The following VPS9D1 variants were observed in gnomAD, a reference collection of about 807,000 sequenced individuals.
VPS9D1 encodes the protein VPS9 domain-containing protein 1.
In VPS9D1, 78 loss-of-function variants were observed where a neutral mutation model predicts 75.8. That is an observed-to-expected ratio of 1.03 (90% CI 0.86 to 1.24). VPS9D1 has a LOEUF of 1.24. VPS9D1 is among the 50% of genes most tolerant of loss of function. The pLI is 0.00. For synonymous variants in VPS9D1, 481 were observed against 385.6 expected (o/e 1.25, Z -2.90); for missense variants, 1,057 against 847.7 (o/e 1.25, Z -3.07).
chr16:89,719,903 G>A (rs1170751008), intron 1 of VPS9D1, among the ~76,000 whole-genome samples: 1 of 152,196 alleles, frequency 6.6e-6, no homozygotes, highest in East Asian at 1.9e-4. Flanking sequence ...ATTTTTAGTA[G>A]AGACGGGGTT....
chr16:89,718,534 G>A (rs12928364), intron 2 of VPS9D1, among the ~76,000 whole-genome samples: 126 of 152,090 alleles, frequency 8.3e-4, no homozygotes, highest in South Asian at 6.2e-4. Context: ...TATCCACAAC[G>A]CTGGTCCCTT....
At chr16:89,720,617 C>G (rs1291765987) in intron 1 of VPS9D1, 146 bp downstream of exon 1, 10 of 1,225,044 alleles carry the variant, frequency 8.2e-6, no homozygotes, top group African/African-American at 1.6e-5. Flanking sequence ...CGCCCCCGTC[C>G]TCGCCCGGGA....
At position 89,709,821 on chromosome 16, in the gene VPS9D1, T is replaced by A. The variant is rs754254812; in HGVS notation, c.1344A>T (p.Glu448Asp). Residue 448 changes from glutamate to aspartate, a missense_variant, in exon 11 of 15, where the codon GAA becomes GAT. Coordinates refer to ENST00000389386, the MANE Select transcript of VPS9D1 (RefSeq NM_004913.3). ...GAGGCCACAGCGGGGAGAAAAAGGG[T>A]TCCTCAATGCAGGCCAGGCAGCGGT... is the stretch of plus-strand genomic sequence containing the variant. ...SKDRCLACIE[E>D]PFFSPLWPLL... is the part of the protein sequence containing the mutation. 6.2e-7 allele frequency: 1 copy of A among 1,612,790 alleles called. No homozygotes were observed. The highest frequency in any genetic ancestry group is 1.1e-5 in the South Asian group (1 of 91,016).
intron 9 of VPS9D1, 33 bp downstream of exon 9, chr16:89,711,294 C>T (rs751818090): frequency 7.6e-6 from 12 of 1,581,200 alleles, no homozygotes; most frequent in Non-Finnish European, 1.0e-5. Flanking sequence ...GGCCGGTGCG[C>T]AGGGGCTCTG....
rs1181335454 is a variant in VPS9D1, at chr16:89,712,084, C to T, written c.622G>A (p.Glu208Lys). Reference protein sequence around the residue: ...AREETLQRKMEERRLRLQEAA... With the variant: ...AREETLQRKMKERRLRLQEAA... ...TCCTGGAGCCGCAGCCGGCGCTCCT[C>T]CATCTTTCTCTGGAGCTGGGTGCAG... The change falls in exon 7 of 15, where the codon GAG becomes AAG. Residue 208 changes from glutamate to lysine, a missense_variant. Glu to Lys is a moderately conservative substitution (Grantham distance 56, BLOSUM62 1). Transcript: ENST00000389386. 1 of 1,548,434 alleles carries T rather than the reference C, an allele frequency of 6.5e-7. No homozygotes were observed. Among genetic ancestry groups the T allele is most frequent in the Non-Finnish European group, 8.7e-7 (1 of 1,146,814 alleles).
At position 89,712,079 on chromosome 16, in the gene VPS9D1, C is replaced by G. The variant is rs2060944668; in HGVS notation, c.627G>C (p.Glu209Asp). The G allele has an allele frequency of 3.2e-6, 5 of 1,548,404 alleles. No homozygotes were observed. The African/African-American group carries it at 5.5e-5, about 17-fold the overall frequency. Residue 209 changes from glutamate to aspartate, a missense_variant, in exon 7 of 15, where the codon GAG (glutamate) becomes GAC (aspartate). Glu to Asp is a conservative substitution (Grantham distance 45, BLOSUM62 2). Coordinates refer to ENST00000389386, the MANE Select transcript of VPS9D1 (RefSeq NM_004913.3). ...REETLQRKME[E>D]RRLRLQEAAN... ...CGGCCTCCTGGAGCCGCAGCCGGCG[C>G]TCCTCCATCTTTCTCTGGAGCTGGG...
chr16:89,717,491 C>A (rs1222117586), intron 2 of VPS9D1: 6 of 449,352 alleles, frequency 1.3e-5, no homozygotes, highest in South Asian at 3.1e-5. Context: ...CTCACACAGC[C>A]CTTCTGCGCG....
chr16:89,709,784 G>A lies in VPS9D1; in HGVS notation c.1381C>T (p.Leu461=). The change falls in exon 11 of 15, where the codon CTG becomes TTG. Residue 461 remains leucine, a synonymous_variant. Coordinates refer to ENST00000389386, the MANE Select transcript of VPS9D1 (RefSeq NM_004913.3). The part of the protein sequence containing the change: ...FSPLWPLLLA[L]YRSVHRAREA... ...GTACAGCTGGGTCCATACCTGTACA[G>A]GGCCAGCAGCAGAGGCCACAGCGGG... The A allele has an allele frequency of 1.2e-6, 2 of 1,613,734 alleles. No individual in the cohort carries two copies. The highest frequency in any genetic ancestry group is 1.7e-6 in the Non-Finnish European group (2 of 1,179,942).
At chr16:89,715,652 GT>G (rs2061046809) in intron 4 of VPS9D1, among the ~76,000 whole-genome samples, 1 of 151,682 alleles carries the variant, frequency 6.6e-6, no homozygotes, top group Non-Finnish European at 1.5e-5. Context: ...CTCCCTAGTA[GT>G]TGGGACTACA....
chr16:89,710,936 A>T lies in VPS9D1; in HGVS notation c.908T>A (p.Val303Glu). The T allele has an allele frequency of 6.8e-7, 1 of 1,480,118 alleles. No individual in the cohort carries two copies. The highest frequency in any genetic ancestry group is 8.9e-7 in the Non-Finnish European group (1 of 1,120,712). The allele number at this position is 1,480,118 out of a possible 1,614,324, so 91.7% of individuals were successfully genotyped here. The change falls in exon 10 of 15, where the codon GTG (valine) becomes GAG (glutamate). Residue 303 changes from valine to glutamate, a missense_variant. By Grantham distance (121) the Val-to-Glu change is moderately radical. Coordinates refer to ENST00000389386, the MANE Select transcript of VPS9D1 (RefSeq NM_004913.3). ...CSVYSALYPA[V>E]SRAAAPAPGC... ...TGGGGCTGGCGCGGCTGCTCTGCTC[A>T]CGGCGGGATACAGGGCGCTGTACAC...
chr16:89,708,296 G>T, intron 14 of VPS9D1, 131 bp downstream of exon 14: 1 of 889,150 alleles, frequency 1.1e-6, no homozygotes, highest in Non-Finnish European at 1.7e-6. Context: ...CACAGGGGCT[G>T]CCCGAAGGCA....
At chr16:89,719,004 G>A (rs555223940) in intron 2 of VPS9D1, 23 bp downstream of exon 2, 16 of 1,606,304 alleles carry the variant, frequency 1.0e-5, no homozygotes, top group Admixed American at 5.0e-5. Context: ...GTGAGCCACC[G>A]CGCCCGGCTG....
intron 6 of VPS9D1, 161 bp downstream of exon 6, chr16:89,712,298 CG>C: frequency 7.5e-7 from 1 of 1,328,744 alleles, no homozygotes; most frequent in South Asian, 1.3e-5. Context: ...GGACGGCGGC[CG>C]GGCCTTCCCC....
chr16:89,710,743 C>T lies in VPS9D1; in HGVS notation c.1101G>A (p.Gly367=), dbSNP rs1004474593. The T allele has an allele frequency of 4.4e-6, 7 of 1,581,860 alleles. No individual in the cohort carries two copies. The highest frequency in any genetic ancestry group is 6.0e-6 in the Non-Finnish European group (7 of 1,164,198). The change falls in exon 10 of 15, where the codon GGG becomes GGA. Residue 367 remains glycine (G), a synonymous_variant. Coordinates refer to ENST00000389386, the MANE Select transcript of VPS9D1 (RefSeq NM_004913.3). ...PGPVGSPSPL[G]DTASGLPDKD... The stretch of plus-strand genomic sequence containing the variant: ...TGTCTGGCAATCCAGATGCGGTGTC[C>T]CCCAGGGGTGAGGGAGACCCCACGG...
At position 89,710,679 on chromosome 16, in the gene VPS9D1, TC is replaced by T. The variant is rs2151623191; in HGVS notation, c.1164del (p.Thr389ArgfsTer20). 2.5e-6 allele frequency: 4 copies of T among 1,611,572 alleles called. No homozygotes were observed. The East Asian group carries it at 8.9e-5, about 36-fold the overall frequency. Reference sequence around the variant, plus strand: ...CGGCCCCGGCCCTGCCGCTCAGACGTCCCCAGGAACTGCTCCAGGTCCTCGA... The same window carrying T: ...CGGCCCCGGCCCTGCCGCTCAGACGTCCCAGGAACTGCTCCAGGTCCTCGA... ...SSFEDLEQFL[G>X]TSERQGRGRG... is the part of the protein sequence containing the mutation. On this transcript the variant is annotated frameshift_variant, in exon 10 of 15. Transcript: ENST00000389386. LOFTEE classifies it high-confidence loss of function.
At chr16:89,718,111 C>A (rs900177600) in intron 2 of VPS9D1, 6 of 453,690 alleles carry the variant, frequency 1.3e-5, no homozygotes, top group Admixed American at 7.1e-5. Context: ...CTCTGTGATC[C>A]TTTGTGCAGC....
rs1003221227 is a variant in VPS9D1, at chr16:89,709,814, A to G, written c.1351T>C (p.Phe451Leu). The G allele has an allele frequency of 6.2e-7, 1 of 1,613,576 alleles. No individual in the cohort carries two copies. Among genetic ancestry groups the G allele is most frequent in the African/African-American group, 1.3e-5 (1 of 74,852 alleles). ...RCLACIEEPF[F>L]SPLWPLLLAL... Reference sequence around the variant, plus strand: ...AGCAGCAGAGGCCACAGCGGGGAGAAAAAGGGTTCCTCAATGCAGGCCAGG... The same window carrying G: ...AGCAGCAGAGGCCACAGCGGGGAGAGAAAGGGTTCCTCAATGCAGGCCAGG... The change falls in exon 11 of 15, where the codon TTC becomes CTC. Residue 451 changes from phenylalanine (F) to leucine (L), a missense_variant. By Grantham distance (22) the Phe-to-Leu change is conservative. Transcript: ENST00000389386.
chr16:89,711,495 T>C, intron 8 of VPS9D1, 83 bp from the exon 9 acceptor site: 1 of 1,347,976 alleles, frequency 7.4e-7, no homozygotes, highest in South Asian at 1.4e-5. Flanking sequence ...TGCCGACCCC[T>C]AGAGACTGTG....
chr16:89,711,980 A>G lies in VPS9D1; in HGVS notation c.660-11T>C. 1 of 1,550,462 alleles carries G rather than the reference A, an allele frequency of 6.4e-7. No individual in the cohort carries two copies. Among genetic ancestry groups the G allele is most frequent in the East Asian group, 2.4e-5 (1 of 40,916 alleles). On this transcript the variant is annotated splice_polypyrimidine_tract_variant and intron_variant, in intron 7 of 14. Transcript: ENST00000389386. ...TGGCTGCAAAACCTCCTGGGGAGAA[A>G]GGCACGCGGTGGGTGCCGGGGCCAG...
Sources: gnomAD v4.1 joint callset for allele counts (sites outside exome capture counted in the v4.1 genomes callset) on GRCh38, gnomAD v4.1.1 for gene constraint, MANE v1.5 for transcripts, NCBI Gene and HGNC (gene_info 2026-07-23, HGNC 2026-07-21) for gene names.